Variants in CACNA1H observed in about 807,000 individuals in gnomAD.
CACNA1H encodes voltage-dependent T-type calcium channel subunit alpha-1H.
Under a neutral mutation model 192.5 loss-of-function variants are expected in CACNA1H, and 149 were observed. The ratio of observed to expected loss-of-function variants is 0.77; its 90% CI spans 0.68 to 0.89. CACNA1H has a LOEUF of 0.89. Among genes scored for constraint, CACNA1H ranks in the 40% least tolerant of loss-of-function variants. The pLI, the probability that CACNA1H is intolerant of heterozygous loss-of-function variation, is 0.00. For synonymous variants in CACNA1H, 2,202 were observed against 1,475.2 expected (o/e 1.49, Z -11.29); for missense variants, 4,257 against 3,423.5 (o/e 1.24, Z -6.08).
chr16:1,179,046 T>C lies in CACNA1H; in HGVS notation c.300-15926T>C, dbSNP rs560437853. The stretch of plus-strand genomic sequence containing the variant: ...CACAGAGACCCTGTTGGGTGGTGAA[T>C]GGGTGACCCGTGGACACCAGGCTGT... On this transcript the variant is annotated intron_variant, in intron 2 of 34. Coordinates refer to ENST00000348261, the MANE Select transcript of CACNA1H (RefSeq NM_021098.3). Among the ~76,000 whole-genome samples, 8 of 152,288 alleles carry C rather than the reference T, an allele frequency of 5.3e-5. No homozygotes were observed. The East Asian group carries it at 1.5e-3, about 29-fold the overall frequency.
At chr16:1,159,838 C>G (rs961610670) in intron 2 of CACNA1H, 2 of 152,344 alleles carry the variant, frequency 1.3e-5, no homozygotes, top group African/African-American at 4.8e-5. Context: ...AGCACCCGAA[C>G]TTCATTCTTG....
intron 2 of CACNA1H, among the ~76,000 whole-genome samples, chr16:1,185,253 T>C (rs952292208): frequency 3.3e-5 from 5 of 152,198 alleles, no homozygotes; most frequent in African/African-American, 4.8e-5. Flanking sequence ...CACGGGTCTG[T>C]TGGTGAACAC....
intron 2 of CACNA1H, among the ~76,000 whole-genome samples, chr16:1,178,366 G>A (rs1427797888): frequency 6.9e-6 from 1 of 145,476 alleles, no homozygotes; most frequent in Non-Finnish European, 1.5e-5. Flanking sequence ...ATATCTCAGA[G>A]TCCTAACCCA....
intron 2 of CACNA1H, among the ~76,000 whole-genome samples, chr16:1,168,127 G>A (rs1045386655): frequency 6.6e-6 from 1 of 152,124 alleles, no homozygotes; most frequent in Non-Finnish European, 1.5e-5. Flanking sequence ...CCTGGGGCAC[G>A]GTGGCGGGAG....
intron 2 of CACNA1H, 90 bp from the exon 3 acceptor site, chr16:1,194,882 G>T: frequency 1.1e-6 from 1 of 943,248 alleles, no homozygotes; most frequent in Non-Finnish European, 1.7e-6. Context: ...CACCCGTGGC[G>T]GGGCTCCGGC....
intron 26 of CACNA1H, among the ~76,000 whole-genome samples, chr16:1,212,923 G>C (rs1349131063): frequency 6.6e-6 from 1 of 152,262 alleles, no homozygotes; most frequent in Non-Finnish European, 1.5e-5. Context: ...TGAGGGTCGG[G>C]TGGCGGGTGG....
In CACNA1H at chr16:1,211,961, A is replaced by G; in HGVS notation, c.4582A>G (p.Asn1528Asp). ...TGTGCCACAGCCTGTGCAGAACCAC[A>G]ACCCCTGGATGCTGCTGTACTTCAT... is the stretch of plus-strand genomic sequence containing the variant. ...GVDQQPVQNH[N>D]PWMLLYFISF... Residue 1528 changes from asparagine to aspartate, a missense_variant, in exon 25 of 35, where the codon AAC becomes GAC. Coordinates refer to ENST00000348261, the MANE Select transcript of CACNA1H (RefSeq NM_021098.3). 6.2e-7 allele frequency: 1 copy of G among 1,613,438 alleles called. No homozygotes were observed. Among genetic ancestry groups the G allele is most frequent in the Non-Finnish European group, 8.5e-7 (1 of 1,179,660 alleles).
chr16:1,153,562 A>C, intron 1 of CACNA1H, 92 bp downstream of exon 1: 2 of 200,280 alleles, frequency 1.0e-5, no homozygotes, highest in Non-Finnish European at 7.2e-6. Context: ...GGGCCGCTGG[A>C]GGGAGGGAGG....
In CACNA1H at chr16:1,211,247, C is replaced by G. The variant is rs762016050; in HGVS notation, c.4303C>G (p.Leu1435Val). ...ACTCAGGCCCATTGGGAACATCGTC[C>G]TCATCTGCTGCGCCTTCTTCATCAT... Reference protein sequence around the residue: ...SSLRPIGNIVLICCAFFIIFG... With the variant: ...SSLRPIGNIVVICCAFFIIFG... The change falls in exon 22 of 35, where the codon CTC becomes GTC. Residue 1435 changes from leucine to valine, a missense_variant. Physicochemically the swap from Leu to Val is conservative, Grantham distance 32 (BLOSUM62 1). Coordinates refer to ENST00000348261, the MANE Select transcript of CACNA1H (RefSeq NM_021098.3). 1 of 1,613,138 alleles carries G rather than the reference C, an allele frequency of 6.2e-7. No homozygotes were observed. The highest frequency in any genetic ancestry group is 8.5e-7 in the Non-Finnish European group (1 of 1,179,766).
chr16:1,215,693 C>T, intron 30 of CACNA1H, 100 bp downstream of exon 30: 2 of 952,324 alleles, frequency 2.1e-6, no homozygotes, highest in South Asian at 3.0e-5. Context: ...TTTCTCTGGT[C>T]CCTCGGTTGT....
Position 1,218,348 on chromosome 16 carries a change from C to G in CACNA1H, c.5584C>G (p.His1862Asp). Residue 1862 changes from histidine (H) to aspartate (D), a missense_variant, in exon 33 of 35, where the codon CAC becomes GAC. His to Asp is a moderately conservative substitution (Grantham distance 81). Transcript: ENST00000348261. ...CGTGGTGGTGGCCGTGCTCATGAAG[C>G]ACCTGGAGGAGAGCAACAAGGAGGC... ...VNVVVAVLMKHLEESNKEARE... is the reference protein window; with the variant it reads ...VNVVVAVLMKDLEESNKEARE... 2 of 1,562,086 alleles carry G rather than the reference C, an allele frequency of 1.3e-6. No individual in the cohort carries two copies. The highest frequency in any genetic ancestry group is 2.4e-5 in the East Asian group (1 of 41,658).
In CACNA1H at chr16:1,167,367, C is replaced by T. The variant is rs1437596306; in HGVS notation, c.299+13331C>T. The stretch of plus-strand genomic sequence containing the variant: ...GGCGCGGAGCGGGCGGGGTGGCGCC[C>T]GGGCCGCGGGTGGGAGAATCTGGCG... On this transcript the variant is annotated intron_variant, in intron 2 of 34. Coordinates refer to ENST00000348261, the MANE Select transcript of CACNA1H (RefSeq NM_021098.3). The surrounding 1 kb of genome is among the most constrained non-coding windows in gnomAD (Gnocchi z 4.2). 3.3e-5 allele frequency among the ~76,000 whole-genome samples: 5 copies of T among 152,080 alleles called. No homozygotes were observed. In the South Asian group the frequency reaches 6.2e-4, roughly 19 times the overall value.
intron 12 of CACNA1H, 181 bp downstream of exon 12, chr16:1,206,470 C>T (rs945517314): frequency 4.6e-5 from 28 of 613,032 alleles, no homozygotes; most frequent in Non-Finnish European, 7.4e-5. Flanking sequence ...TACTGTGTGC[C>T]ACGTGTTAGA....
At chr16:1,198,418 C>T (rs1596392033) in intron 5 of CACNA1H, among the ~76,000 whole-genome samples, 197 bp from the exon 6 acceptor site, 2 of 152,086 alleles carry the variant, frequency 1.3e-5, no homozygotes, top group African/African-American at 4.8e-5. Context: ...CCCTGGAGGC[C>T]GGTGGTGGTA....
At chr16:1,206,565 G>T in intron 12 of CACNA1H, 3 of 499,136 alleles carry the variant, frequency 6.0e-6, no homozygotes, top group East Asian at 3.6e-5. Context: ...AATACCGGGG[G>T]TGGGGGCAGG....
At chr16:1,199,602 C>T (rs998162291) in intron 6 of CACNA1H, among the ~76,000 whole-genome samples, 1 of 151,142 alleles carries the variant, frequency 6.6e-6, no homozygotes, top group Non-Finnish European at 1.5e-5. Flanking sequence ...CACCTTACCC[C>T]AGGGTCTCCC....
chr16:1,187,739 CTGG>C (rs1966214611), intron 2 of CACNA1H, among the ~76,000 whole-genome samples: 1 of 152,326 alleles, frequency 6.6e-6, no homozygotes, highest in South Asian at 2.1e-4. Flanking sequence ...GCAGCCGCAC[CTGG>C]AGACGTCCAT....
chr16:1,155,286 G>T (rs1006768285), intron 2 of CACNA1H, among the ~76,000 whole-genome samples: 1 of 152,198 alleles, frequency 6.6e-6, no homozygotes, highest in African/African-American at 2.4e-5. Context: ...CCCGCTGCCC[G>T]GGCGGCCTAG....
chr16:1,196,120 G>A, intron 5 of CACNA1H, 97 bp downstream of exon 5: 1 of 972,302 alleles, frequency 1.0e-6, no homozygotes, highest in Non-Finnish European at 1.6e-6. Flanking sequence ...CACAGGACTG[G>A]GAAATGAAGG....
Sources: allele counts gnomAD v4.1 joint callset (sites outside exome capture counted in the v4.1 genomes callset), GRCh38; gene constraint gnomAD v4.1.1; non-coding constraint Gnocchi (gnomAD v3.1); transcripts MANE v1.5; gene names NCBI Gene and HGNC (gene_info 2026-07-23, HGNC 2026-07-21).